Variants in FAT3 observed in about 807,000 individuals in gnomAD.
FAT3 encodes the protein FAT atypical cadherin 3.
FAT3 carries 95 observed loss-of-function variants against 310.2 expected under a neutral mutation model. The ratio of observed to expected loss-of-function variants is 0.31; its 90% CI spans 0.26 to 0.36. The LOEUF is 0.36. Ranked by LOEUF, FAT3 falls within the 10% of genes least tolerant of loss-of-function variation. The pLI, the probability that FAT3 is intolerant of heterozygous loss-of-function variation, is 1.00. For missense variants in FAT3, 5,408 were observed against 5,715.6 expected (o/e 0.95, Z 1.74); for synonymous variants, 2,314 against 2,192.9 (o/e 1.06, Z -1.54).
chr11:92,734,368 A>T (rs558418292), intron 4 of FAT3, among the ~76,000 whole-genome samples: 6 of 152,188 alleles, frequency 3.9e-5, no homozygotes, highest in Non-Finnish European at 8.8e-5. Flanking sequence ...GCAAACAAGC[A>T]CAAGATGTGT....
At chr11:92,850,433 T>G (rs1207742315) in intron 19 of FAT3, among the ~76,000 whole-genome samples, 2 of 152,184 alleles carry the variant, frequency 1.3e-5, no homozygotes, top group African/African-American at 4.8e-5. Flanking sequence ...GCACTTGGCC[T>G]TTAGTGAAAT....
At chr11:92,635,651 G>A (rs961249342) in intron 3 of FAT3, among the ~76,000 whole-genome samples, 3 of 152,154 alleles carry the variant, frequency 2.0e-5, no homozygotes, top group South Asian at 4.1e-4. Flanking sequence ...GCTGTTTTCT[G>A]TCTAATTTTT....
At chr11:92,608,967 T>C (rs949638932) in intron 3 of FAT3, among the ~76,000 whole-genome samples, 6 of 152,274 alleles carry the variant, frequency 3.9e-5, no homozygotes, top group Non-Finnish European at 7.4e-5. Flanking sequence ...AGAGAACCTT[T>C]GGATAAACAG....
chr11:92,328,037 C>G (rs1947811907), intron 1 of FAT3, among the ~76,000 whole-genome samples: 1 of 152,182 alleles, frequency 6.6e-6, no homozygotes, highest in African/African-American at 2.4e-5. Flanking sequence ...TTGCAGACAG[C>G]TCTGGGAGTT....
intron 3 of FAT3, among the ~76,000 whole-genome samples, chr11:92,562,122 T>C (rs183090304): frequency 6.6e-5 from 10 of 152,288 alleles, no homozygotes; most frequent in African/African-American, 2.4e-4. Context: ...TTCCTGACTT[T>C]CCTTAACTCT....
chr11:92,732,971 A>T lies in FAT3; in HGVS notation c.3670-28885A>T, dbSNP rs541122495. Among the ~76,000 whole-genome samples, 7 of 152,310 alleles carry T rather than the reference A, an allele frequency of 4.6e-5. No homozygotes were observed. The East Asian group carries it at 1.4e-3, about 29-fold the overall frequency. ...ACCACTGAGTTTGATGTTAAAAAAC[A>T]CTGGAAGTTAGACCCAGGAAAAAAC... On this transcript the variant is annotated intron_variant, in intron 4 of 27. Transcript: ENST00000525166.
chr11:92,832,690 C>G (rs1448565090), intron 14 of FAT3, among the ~76,000 whole-genome samples: 3 of 152,228 alleles, frequency 2.0e-5, no homozygotes, highest in Middle Eastern at 3.4e-3. Flanking sequence ...TCTCTCTTTT[C>G]TGTTTGATGT....
At chr11:92,450,961 G>A (rs1202907237) in intron 2 of FAT3, among the ~76,000 whole-genome samples, 1 of 152,134 alleles carries the variant, frequency 6.6e-6, no homozygotes, top group East Asian at 1.9e-4. Flanking sequence ...TACTGGTCAG[G>A]CTTGAAATTT....
chr11:92,864,099 T>C (rs1481867820), intron 21 of FAT3, among the ~76,000 whole-genome samples: 2 of 152,352 alleles, frequency 1.3e-5, no homozygotes, highest in Middle Eastern at 3.4e-3. Context: ...GATAATTTTA[T>C]GTTCTTCAGT....
Position 92,890,548 on chromosome 11 carries a change from A to G in FAT3, c.13205A>G (p.Glu4402Gly), listed in dbSNP as rs1308532361. ...MPGARLSDIE[E>G]VPNYENQDGG... ...GGGGCCCGCCTGTCGGACATAGAGG[A>G]AGTGCCCAACTATGAGAACCAGGAT... is the stretch of plus-strand genomic sequence containing the variant. The change falls in exon 28 of 28, where the codon GAA becomes GGA. Residue 4402 changes from glutamate (E) to glycine (G), a missense_variant. Physicochemically the swap from Glu to Gly is moderately conservative, Grantham distance 98. Coordinates refer to ENST00000525166, the MANE Select transcript of FAT3 (RefSeq NM_001367949.2). 2 of 1,612,032 alleles carry G rather than the reference A, an allele frequency of 1.2e-6. No homozygotes were observed. Among genetic ancestry groups the G allele is most frequent in the Admixed American group, 1.7e-5 (1 of 59,820 alleles).
At chr11:92,258,080 G>T (rs1865384352) in intron 1 of FAT3, among the ~76,000 whole-genome samples, 2 of 152,008 alleles carry the variant, frequency 1.3e-5, no homozygotes, top group Admixed American at 6.6e-5. Flanking sequence ...ATTGCTTAAG[G>T]GATGACAAAG....
chr11:92,338,689 C>T (rs1465467595), intron 1 of FAT3, among the ~76,000 whole-genome samples: 3 of 152,014 alleles, frequency 2.0e-5, no homozygotes, highest in African/African-American at 4.8e-5. Flanking sequence ...AGAATAAATG[C>T]GTCTGTAAAG....
chr11:92,481,212 C>T (rs1351698625), intron 2 of FAT3, among the ~76,000 whole-genome samples: 3 of 152,098 alleles, frequency 2.0e-5, no homozygotes, highest in Non-Finnish European at 4.4e-5. Flanking sequence ...CTGTTTCCAC[C>T]TCTTGCCTAT....
chr11:92,848,371 G>T (rs1048553823), intron 19 of FAT3, among the ~76,000 whole-genome samples: 3 of 152,114 alleles, frequency 2.0e-5, no homozygotes, highest in Non-Finnish European at 4.4e-5. Flanking sequence ...CTTCAGAGGT[G>T]CAATGAACAT....
At chr11:92,784,080 G>T (rs939557146) in intron 7 of FAT3, among the ~76,000 whole-genome samples, 3 of 152,188 alleles carry the variant, frequency 2.0e-5, no homozygotes, top group Non-Finnish European at 2.9e-5. Context: ...ATAGGATGGG[G>T]TGAATACAGA....
chr11:92,231,388 A>G (rs761537290), intron 1 of FAT3, among the ~76,000 whole-genome samples: 7 of 152,224 alleles, frequency 4.6e-5, no homozygotes, highest in Non-Finnish European at 7.3e-5. Context: ...GCAGACTTTT[A>G]CCTTGGACGT....
intron 2 of FAT3, among the ~76,000 whole-genome samples, chr11:92,499,095 C>T (rs1020153536): frequency 2.6e-5 from 4 of 151,972 alleles, no homozygotes; most frequent in African/African-American, 7.2e-5. Context: ...TTATTGAAGA[C>T]CTACTCTGCA....
At position 92,587,150 on chromosome 11, in the gene FAT3, G is replaced by A. The variant is rs150035275; in HGVS notation, c.3607+62202G>A. Among the ~76,000 whole-genome samples the A allele has an allele frequency of 7.3e-3, 1,109 of 151,978 alleles. 10 individuals carry two copies. The highest frequency in any genetic ancestry group is 0.024 in the African/African-American group (999 of 41,494). On this transcript the variant is annotated intron_variant, in intron 3 of 27. Transcript: ENST00000525166. Reference sequence around the variant, plus strand: ...AGGATTTTTAATTTTATATTAAATTGTGTGTACTTTTACAGTCCTCCTAAA... The same window carrying A: ...AGGATTTTTAATTTTATATTAAATTATGTGTACTTTTACAGTCCTCCTAAA...
intron 2 of FAT3, among the ~76,000 whole-genome samples, chr11:92,410,369 TA>T (rs1950229783): frequency 6.6e-6 from 1 of 151,888 alleles, no homozygotes; most frequent in South Asian, 2.1e-4. Flanking sequence ...ACCATAAAAA[TA>T]AAATTCAAGT....
Sources: gnomAD v4.1 joint callset for allele counts (sites outside exome capture counted in the v4.1 genomes callset) on GRCh38, gnomAD v4.1.1 for gene constraint, MANE v1.5 for transcripts, NCBI Gene and HGNC (gene_info 2026-07-23, HGNC 2026-07-21) for gene names.